GLIS1: variants seen among roughly 807,000 people sequenced by gnomAD.
The protein encoded by GLIS1 is GLIS family zinc finger 1, also known as zinc finger protein GLIS1.
GLIS1 carries 24 observed loss-of-function variants against 63.8 expected under a neutral mutation model. That is an observed-to-expected ratio of 0.38 (90% CI 0.27 to 0.53). The LOEUF (loss-of-function observed/expected upper bound fraction) is 0.53. Ranked by LOEUF, GLIS1 falls within the 20% of genes least tolerant of loss-of-function variation. The pLI is 0.85. For synonymous variants in GLIS1, 450 were observed against 482.5 expected (o/e 0.93, Z 0.88); for missense variants, 1,036 against 1,074.1 (o/e 0.96, Z 0.50).
intron 2 of GLIS1, among the ~76,000 whole-genome samples, chr1:53,666,027 T>C (rs977806747): frequency 1.3e-5 from 2 of 152,134 alleles, no homozygotes; most frequent in Non-Finnish European, 2.9e-5. Flanking sequence ...TTGCTCATAG[T>C]CACAAATTTA....
chr1:53,509,204 C>G lies in GLIS1; in HGVS notation c.2146G>C (p.Asp716His). Reference sequence around the variant, plus strand: ...CCGTGGGTCTCCCCGACCAGTCCGTCCCCACCGGCTGCTGGTTCAGCCATC... The same window carrying G: ...CCGTGGGTCTCCCCGACCAGTCCGTGCCCACCGGCTGCTGGTTCAGCCATC... The part of the protein sequence containing the change: ...YRMAEPAAGG[D>H]GLVGETHGFN... The change falls in exon 10 of 11, where the codon GAC becomes CAC. Residue 716 changes from aspartate to histidine, a missense_variant. Around this residue, in one of 3 missense-constraint regions of GLIS1, gnomAD observed 400 missense variants for 400.9 expected, o/e 1.00. Transcript: ENST00000628545. 1 of 1,598,876 alleles carries G rather than the reference C, an allele frequency of 6.3e-7. No homozygotes were observed.
At chr1:53,684,892 A>C (rs1292862593) in intron 2 of GLIS1, among the ~76,000 whole-genome samples, 2 of 152,114 alleles carry the variant, frequency 1.3e-5, no homozygotes, top group East Asian at 3.9e-4. Flanking sequence ...AGATCAGTGA[A>C]TCCACTCTGC....
chr1:53,523,912 G>A (rs1006810338), intron 6 of GLIS1, among the ~76,000 whole-genome samples: 10 of 152,312 alleles, frequency 6.6e-5, no homozygotes, highest in Non-Finnish European at 1.0e-4. Context: ...CTGCTTGGCC[G>A]CTGATCCTGC....
In GLIS1 at chr1:53,539,084, A is replaced by C. The variant is rs1040289958; in HGVS notation, c.1321-9132T>G. On this transcript the variant is annotated intron_variant, in intron 4 of 10. Coordinates refer to ENST00000628545, the MANE Select transcript of GLIS1 (RefSeq NM_001367484.1). This position sits in a 1 kb window ranked among gnomAD's most constrained non-coding sequence, Gnocchi z 5.0. ...GCTCTGCCAGGGGCCAGGGCTCCGC[A>C]GAGAGCACACAGCATAGAATGGCTG... 1.3e-5 allele frequency among the ~76,000 whole-genome samples: 2 copies of C among 152,042 alleles called. No homozygotes were observed. The highest frequency in any genetic ancestry group is 2.9e-5 in the Non-Finnish European group (2 of 67,998).
At chr1:53,577,763 T>C (rs560645450) in intron 4 of GLIS1, among the ~76,000 whole-genome samples, 2 of 152,160 alleles carry the variant, frequency 1.3e-5, no homozygotes, top group South Asian at 2.1e-4. Flanking sequence ...CTGTGGTCCC[T>C]GGAGCCTGCC....
At chr1:53,618,674 G>A (rs1526909) in intron 2 of GLIS1, among the ~76,000 whole-genome samples, 2 of 151,750 alleles carry the variant, frequency 1.3e-5, no homozygotes, top group South Asian at 2.1e-4. Context: ...TAGGAAAGTC[G>A]AGGGGCTGAT....
chr1:53,682,703 G>A (rs1646289459), intron 2 of GLIS1, among the ~76,000 whole-genome samples: 1 of 152,240 alleles, frequency 6.6e-6, no homozygotes, highest in South Asian at 2.1e-4. Flanking sequence ...AGGAGGAGCT[G>A]CCTTTCATAA....
rs374787230 is a variant in GLIS1, at chr1:53,567,107, C to G, written c.1320+27001G>C. Among the ~76,000 whole-genome samples, 3 of 152,146 alleles carry G rather than the reference C, an allele frequency of 2.0e-5. No individual in the cohort carries two copies. The East Asian group carries it at 5.8e-4, about 29-fold the overall frequency. ...TAGAGACTTGTTGAATAGTTGTGAC[C>G]AAAATGCTGATAGTGATATGGACAA... On this transcript the variant is annotated intron_variant, in intron 4 of 10. Transcript: ENST00000628545.
intron 4 of GLIS1, among the ~76,000 whole-genome samples, chr1:53,556,851 T>C (rs1338877410): frequency 1.3e-5 from 2 of 149,296 alleles, no homozygotes; most frequent in African/African-American, 5.0e-5. Context: ...TGTGTGTGTG[T>C]GCAGGTATAC....
chr1:53,662,344 C>T (rs778220463), intron 2 of GLIS1, among the ~76,000 whole-genome samples: 8 of 152,186 alleles, frequency 5.3e-5, no homozygotes, highest in Non-Finnish European at 1.0e-4. Context: ...AAGAGAAATG[C>T]ATCCCTTGCC....
At chr1:53,687,938 A>G (rs1207286168) in intron 2 of GLIS1, among the ~76,000 whole-genome samples, 1 of 152,198 alleles carries the variant, frequency 6.6e-6, no homozygotes, top group Non-Finnish European at 1.5e-5. Context: ...GAAGAGTCCT[A>G]GACGCAAGCG....
At chr1:53,593,911 C>G (rs543761112) in intron 4 of GLIS1, among the ~76,000 whole-genome samples, 197 bp downstream of exon 4, 31 of 152,340 alleles carry the variant, frequency 2.0e-4, no homozygotes, top group African/African-American at 7.2e-4. Context: ...GGCCCCTCTG[C>G]CACGGTTCCC....
chr1:53,584,030 G>A (rs1253662610), intron 4 of GLIS1, among the ~76,000 whole-genome samples: 1 of 152,220 alleles, frequency 6.6e-6, no homozygotes, highest in Admixed American at 6.5e-5. Flanking sequence ...GCGTTGGCAA[G>A]ACTGGGTGCA....
chr1:53,557,488 G>A (rs1012596953), intron 4 of GLIS1, among the ~76,000 whole-genome samples: 3 of 152,172 alleles, frequency 2.0e-5, no homozygotes, highest in Non-Finnish European at 4.4e-5. Flanking sequence ...AAGGAGGTGA[G>A]GAAGTGTCCA....
rs376755747 is a variant in GLIS1 at position 53,594,403 on chromosome 1, G to A, written c.1025C>T (p.Pro342Leu). The A allele has an allele frequency of 1.9e-6, 3 of 1,612,238 alleles. No individual in the cohort carries two copies. Among genetic ancestry groups the A allele is most frequent in the Admixed American group, 1.7e-5 (1 of 59,974 alleles). ...FGPHQQGLPP[P>L]YPLSQLPPGP... Reference sequence around the variant, plus strand: ...AGGCGGCAACTGAGACAGGGGATAGGGGGGCGGCAGGCCCTGCTGGTGAGG... The same window carrying A: ...AGGCGGCAACTGAGACAGGGGATAGAGGGGCGGCAGGCCCTGCTGGTGAGG... Residue 342 changes from proline (P) to leucine (L), a missense_variant, in exon 4 of 11, where the codon CCC becomes CTC. Around this residue, in one of 3 missense-constraint regions of GLIS1, gnomAD observed 592 missense variants for 593.9 expected, o/e 1.00. Coordinates refer to ENST00000628545, the MANE Select transcript of GLIS1 (RefSeq NM_001367484.1).
At chr1:53,650,816 C>T (rs974684814) in intron 2 of GLIS1, among the ~76,000 whole-genome samples, 2 of 152,208 alleles carry the variant, frequency 1.3e-5, no homozygotes, top group Non-Finnish European at 2.9e-5. Context: ...ACCCCGTCTG[C>T]CCACTGCAAT....
intron 2 of GLIS1, among the ~76,000 whole-genome samples, chr1:53,627,336 C>T (rs1424103905): frequency 6.6e-6 from 1 of 152,170 alleles, no homozygotes. Flanking sequence ...TAAGGCAGTC[C>T]TCGTGGGCAC....
chr1:53,631,001 T>C (rs1645646330), intron 2 of GLIS1, among the ~76,000 whole-genome samples: 1 of 152,264 alleles, frequency 6.6e-6, no homozygotes, highest in South Asian at 2.1e-4. Context: ...TTTTCTCTCA[T>C]CATTTTGTGA....
intron 2 of GLIS1, among the ~76,000 whole-genome samples, 156 bp from the exon 3 acceptor site, chr1:53,600,434 T>G (rs533371357): frequency 1.8e-4 from 27 of 152,070 alleles, no homozygotes; most frequent in Non-Finnish European, 2.9e-4. Flanking sequence ...CCAGGATACC[T>G]CATCTAATTC....
Sources: allele counts gnomAD v4.1 joint callset (sites outside exome capture counted in the v4.1 genomes callset), GRCh38; gene constraint gnomAD v4.1.1; regional missense constraint gnomAD v4.1.1; non-coding constraint Gnocchi (gnomAD v3.1); transcripts MANE v1.5; gene names NCBI Gene and HGNC (gene_info 2026-07-23, HGNC 2026-07-21).